The following UQCR10 variants were observed in gnomAD, a reference collection of about 807,000 sequenced individuals.
UQCR10 encodes ubiquinol-cytochrome c reductase, complex III subunit X, also known as cytochrome b-c1 complex subunit 9.
A neutral mutation model predicts 6.0 loss-of-function variants in UQCR10; 5 were observed. The ratio of observed to expected loss-of-function variants is 0.83; its 90% CI spans 0.43 to 1.74. The LOEUF is 1.74. UQCR10 is among the 40% of genes most tolerant of loss of function. The pLI is 0.02. For missense variants in UQCR10, 101 were observed against 85.1 expected (o/e 1.19, Z -0.74); for synonymous variants, 40 against 37.4 (o/e 1.07, Z -0.26).
chr22:29,767,522 G>A lies in UQCR10; in HGVS notation c.124G>A (p.Ala42Thr). Residue 42 changes from alanine to threonine, a missense_variant, in exon 1 of 2, where the codon GCT becomes ACT. Coordinates refer to ENST00000330029, the MANE Select transcript of UQCR10 (RefSeq NM_013387.4). ...GCGCGCCTTCGATCAAGGCGCGGAC[G>A]CTATCTACGACCACATCAACGAGGG... Reference protein sequence around the residue: ...FERAFDQGADAIYDHINEGKL... With the variant: ...FERAFDQGADTIYDHINEGKL... 1 of 1,613,968 alleles carries A rather than the reference G, an allele frequency of 6.2e-7. No homozygotes were observed. Among genetic ancestry groups the A allele is most frequent in the Non-Finnish European group, 8.5e-7 (1 of 1,179,874 alleles).
chr22:29,768,883 T>G (rs2100204040), intron 1 of UQCR10, among the ~76,000 whole-genome samples: 2 of 152,198 alleles, frequency 1.3e-5, no homozygotes, highest in Admixed American at 1.3e-4. Flanking sequence ...TGCCTTAGCC[T>G]TCTAAAGTAC....
chr22:29,769,598 T>C, intron 1 of UQCR10, 80 bp from the exon 2 acceptor site: 1 of 1,431,058 alleles, frequency 7.0e-7, no homozygotes. Flanking sequence ...AAGCTCATTT[T>C]AGAGACCAGG....
rs747347621 is a variant in UQCR10 at position 29,769,768 on chromosome 22, G to C, written c.*49G>C. The C allele has an allele frequency of 1.3e-6, 2 of 1,583,236 alleles. No homozygotes were observed. The highest frequency in any genetic ancestry group is 1.8e-5 in the Admixed American group (1 of 55,322). On this transcript the variant is annotated 3_prime_UTR_variant, in exon 2 of 2. Transcript: ENST00000330029. ...CCAGAAGGACCAGGTCCACCCAGCA[G>C]CTGTTTGCCCAGAGCTGGAGCCTCA... is the stretch of plus-strand genomic sequence containing the variant.
chr22:29,768,626 T>G (rs575323739), intron 1 of UQCR10, among the ~76,000 whole-genome samples: 1,779 of 149,846 alleles, frequency 0.012, 33 homozygotes, highest in African/African-American at 0.041. Flanking sequence ...TGCTTTTTTT[T>G]GTTTTGTTTT....
intron 1 of UQCR10, 85 bp downstream of exon 1, chr22:29,767,633 A>G: frequency 6.7e-7 from 1 of 1,493,694 alleles, no homozygotes; most frequent in Non-Finnish European, 9.0e-7. Context: ...GTATACTTTT[A>G]CCAGGAAGGG....
At position 29,767,568 on chromosome 22, in the gene UQCR10, C is replaced by T; in HGVS notation, c.150+20C>T. On this transcript the variant is annotated intron_variant, in intron 1 of 1. Transcript: ENST00000330029. ...GAGGGGGTGAGGGCCTGTGCCATCC[C>T]TGACCTTGGACCCGCCTGAGGGGTG... 2.0e-6 allele frequency: 3 copies of T among 1,491,086 alleles called. No individual in the cohort carries two copies. Among genetic ancestry groups the T allele is most frequent in the Non-Finnish European group, 2.8e-6 (3 of 1,083,544 alleles). The allele number at this position is 1,491,086 out of a possible 1,614,324, so 92.4% of individuals were successfully genotyped here. A position where few individuals can be genotyped will look rare whatever the true frequency, so the allele number is the denominator to read the frequency against.
intron 1 of UQCR10, among the ~76,000 whole-genome samples, chr22:29,769,089 G>T (rs2068246333): frequency 6.6e-6 from 1 of 152,150 alleles, no homozygotes; most frequent in African/African-American, 2.4e-5. Context: ...CTTAATAATT[G>T]TGTGTTTTGG....
At chr22:29,768,395 C>T (rs1401309771) in intron 1 of UQCR10, among the ~76,000 whole-genome samples, 1 of 152,086 alleles carries the variant, frequency 6.6e-6, no homozygotes, top group African/African-American at 2.4e-5. Context: ...TACATATAGC[C>T]CTGTTCCACC....
Position 29,770,078 on chromosome 22 carries a change from A to G in UQCR10, c.*359A>G. 7.6e-6 allele frequency: 3 copies of G among 395,902 alleles called. No individual in the cohort carries two copies. Among genetic ancestry groups the G allele is most frequent in the South Asian group, 6.1e-5 (3 of 49,376 alleles). 24.5% of individuals were successfully genotyped at this position (395,902 alleles called of 1,614,324 possible). A position where few individuals can be genotyped will look rare whatever the true frequency, so the allele number is the denominator to read the frequency against. On this transcript the variant is annotated 3_prime_UTR_variant, in exon 2 of 2. Coordinates refer to ENST00000330029, the MANE Select transcript of UQCR10 (RefSeq NM_013387.4). ...ATTTTGAGTTTTCCATTAACTTCCA[A>G]AGAATTCTGGTTTTCAAAACAGGAG...
chr22:29,768,635 T>G, intron 1 of UQCR10, among the ~76,000 whole-genome samples: 1 of 152,054 alleles, frequency 6.6e-6, no homozygotes, highest in African/African-American at 2.4e-5. Flanking sequence ...TTGTTTTGTT[T>G]TGTTTTTTTG....
Position 29,769,864 on chromosome 22 carries a change from C to T in UQCR10, c.*145C>T, listed in dbSNP as rs183003834. ...TGTTGGCAAGAAACGGCTTTACTTA[C>T]AAAACAGACTCTTTACCTTCTGCTG... On this transcript the variant is annotated 3_prime_UTR_variant, in exon 2 of 2. Transcript: ENST00000330029. 3.7e-4 allele frequency: 335 copies of T among 900,730 alleles called. 1 individual carries two copies. In the African/African-American group the frequency reaches 5.2e-3, roughly 14 times the overall value. 55.8% of individuals were successfully genotyped at this position (900,730 alleles called of 1,614,324 possible).
At chr22:29,767,738 A>G in intron 1 of UQCR10, 190 bp downstream of exon 1, 1 of 908,628 alleles carries the variant, frequency 1.1e-6, no homozygotes. Flanking sequence ...AGGTTAATAT[A>G]TTTCATTTTG....
intron 1 of UQCR10, among the ~76,000 whole-genome samples, chr22:29,769,031 A>C (rs1178402528): frequency 6.6e-6 from 1 of 152,202 alleles, no homozygotes; most frequent in Non-Finnish European, 1.5e-5. Context: ...TAATCTCTTC[A>C]GTAATACCTG....
chr22:29,769,648 A>C (rs770486668), intron 1 of UQCR10, 30 bp from the exon 2 acceptor site: 2 of 1,436,802 alleles, frequency 1.4e-6, no homozygotes, highest in Admixed American at 1.8e-5. Flanking sequence ...GCAAAGGTCA[A>C]AGTTTGTGGC....
Position 29,767,406 on chromosome 22 carries a change from C to A in UQCR10, c.8C>A (p.Ala3Asp). The change falls in exon 1 of 2, where the codon GCC (alanine) becomes GAC (aspartate). Residue 3 changes from alanine (A) to aspartate (D), a missense_variant. Ala to Asp is a moderately radical substitution (Grantham distance 126). Coordinates refer to ENST00000330029, the MANE Select transcript of UQCR10 (RefSeq NM_013387.4). Reference protein sequence around the residue: MAAATLTSKLYSL... With the variant: MADATLTSKLYSL... ...GTTGGACTGTGAAGAAACATGGCGG[C>A]CGCGACGTTGACTTCGAAATTGTAC... 6.2e-7 allele frequency: 1 copy of A among 1,612,714 alleles called. No homozygotes were observed. Among genetic ancestry groups the A allele is most frequent in the African/African-American group, 1.3e-5 (1 of 75,016 alleles).
chr22:29,767,615 G>A (rs777302494), intron 1 of UQCR10, 67 bp downstream of exon 1: 53 of 1,540,034 alleles, frequency 3.4e-5, no homozygotes, highest in Middle Eastern at 1.7e-4. Flanking sequence ...GAGGTGGGAT[G>A]GGACTCAGTA....
In UQCR10 at chr22:29,767,458, C is replaced by A; in HGVS notation, c.60C>A (p.Thr20=). ...CCCTGCTGTTCCGCAGGACCTCCAC[C>A]TTCGCCCTCACCATCATCGTGGGCG... ...LYSLLFRRTS[T]FALTIIVGVM... Residue 20 remains threonine (T), a synonymous_variant, in exon 1 of 2, where the codon ACC becomes ACA. Coordinates refer to ENST00000330029, the MANE Select transcript of UQCR10 (RefSeq NM_013387.4). 1 of 1,614,030 alleles carries A rather than the reference C, an allele frequency of 6.2e-7. No individual in the cohort carries two copies. The highest frequency in any genetic ancestry group is 8.5e-7 in the Non-Finnish European group (1 of 1,179,882).
Position 29,767,525 on chromosome 22 carries a change from A to T in UQCR10, c.127A>T (p.Ile43Phe). 1.9e-6 allele frequency: 3 copies of T among 1,613,894 alleles called. 1 individual carries two copies. The South Asian group carries it at 3.3e-5, about 18-fold the overall frequency. ...CGCCTTCGATCAAGGCGCGGACGCT[A>T]TCTACGACCACATCAACGAGGGGGT... ...ERAFDQGADA[I>F]YDHINEGKLW... Residue 43 changes from isoleucine to phenylalanine, a missense_variant, in exon 1 of 2, where the codon ATC becomes TTC. Ile to Phe is a conservative substitution (Grantham distance 21). Coordinates refer to ENST00000330029, the MANE Select transcript of UQCR10 (RefSeq NM_013387.4).
At chr22:29,767,667 C>T (rs1410507063) in intron 1 of UQCR10, 119 bp downstream of exon 1, 4 of 1,416,974 alleles carry the variant, frequency 2.8e-6, no homozygotes, top group Non-Finnish European at 3.7e-6. Context: ...CCGTCGGCGT[C>T]TTCTGTCTCG....
Sources: allele counts gnomAD v4.1 joint callset (sites outside exome capture counted in the v4.1 genomes callset), GRCh38; gene constraint gnomAD v4.1.1; transcripts MANE v1.5; gene names NCBI Gene and HGNC (gene_info 2026-07-23, HGNC 2026-07-21).